ITSN1: variants seen among roughly 807,000 people sequenced by gnomAD.
ITSN1 encodes the protein intersectin-1.
Under a neutral mutation model 239.8 loss-of-function variants are expected in ITSN1, and 58 were observed. The ratio of observed to expected loss-of-function variants is 0.24; its 90% CI spans 0.20 to 0.30. The LOEUF (loss-of-function observed/expected upper bound fraction) is 0.30, where lower values mean the gene tolerates loss of function less well. Ranked by LOEUF, ITSN1 falls within the 10% of genes least tolerant of loss-of-function variation. ITSN1 has a pLI of 1.00. For synonymous variants in ITSN1, 780 were observed against 770.8 expected, an observed-to-expected ratio of 1.01 and a Z score of -0.20; for missense variants, 1,558 against 2,103.3, an observed-to-expected ratio of 0.74 and a Z score of 5.07.
At chr21:33,837,560 A>G in intron 29 of ITSN1, 1 of 985,884 alleles carries the variant, frequency 1.0e-6, no homozygotes. Flanking sequence ...GGAGTTCAGT[A>G]TCTCTGTTTT....
chr21:33,885,184 G>A, intron 37 of ITSN1, 61 bp downstream of exon 37: 1 of 1,403,330 alleles, frequency 7.1e-7, no homozygotes, highest in Non-Finnish European at 1.0e-6. Context: ...CCATTTGGCT[G>A]GGCTGAAAAT....
In ITSN1 at chr21:33,865,955, C is replaced by T. The variant is rs1197371607; in HGVS notation, c.4074+621C>T. Among the ~76,000 whole-genome samples, 1 of 152,148 alleles carries T rather than the reference C, an allele frequency of 6.6e-6. No individual in the cohort carries two copies. Among genetic ancestry groups the T allele is most frequent in the Non-Finnish European group, 1.5e-5 (1 of 68,028 alleles). ...ACTTGGCCTTGGCCAGTGTGGGTCT[C>T]TGCTGGCCGTGCTGGGCCATTCAAA... On this transcript the variant is annotated intron_variant, in intron 32 of 39. Transcript: ENST00000381318. This position sits in a 1 kb window ranked among gnomAD's most constrained non-coding sequence, Gnocchi z 4.4.
intron 1 of ITSN1, among the ~76,000 whole-genome samples, chr21:33,680,355 A>G (rs562417845): frequency 2.2e-5 from 3 of 136,000 alleles, no homozygotes; most frequent in Admixed American, 7.2e-5. Flanking sequence ...TTTTTGAGAC[A>G]GGGTCTCTGT....
intron 29 of ITSN1, among the ~76,000 whole-genome samples, chr21:33,839,431 C>T (rs974377460): frequency 6.6e-6 from 1 of 151,930 alleles, no homozygotes; most frequent in African/African-American, 2.4e-5. Flanking sequence ...GAGGGAGGAG[C>T]CAGATGGAGT....
intron 28 of ITSN1, among the ~76,000 whole-genome samples, chr21:33,835,310 C>G (rs1438638338): frequency 6.6e-6 from 1 of 152,134 alleles, no homozygotes; most frequent in Non-Finnish European, 1.5e-5. Flanking sequence ...TTTGCTGTCC[C>G]CTGGAGAGAT....
intron 1 of ITSN1, among the ~76,000 whole-genome samples, chr21:33,694,014 A>G (rs1177005464): frequency 6.6e-6 from 1 of 152,244 alleles, no homozygotes; most frequent in African/African-American, 2.4e-5. Flanking sequence ...ATTTCATTAT[A>G]TGGATATATC....
chr21:33,833,060 T>G (rs550253196), intron 27 of ITSN1, among the ~76,000 whole-genome samples: 42 of 152,104 alleles, frequency 2.8e-4, no homozygotes, highest in African/African-American at 1.0e-3. Context: ...TTTTGGGTTC[T>G]CTTTTCTTGG....
chr21:33,696,334 A>C (rs1373267845), intron 1 of ITSN1, among the ~76,000 whole-genome samples: 1 of 152,196 alleles, frequency 6.6e-6, no homozygotes, highest in Non-Finnish European at 1.5e-5. Context: ...AATACTTAAC[A>C]GTCCTTAGCA....
At chr21:33,663,719 C>T (rs963300075) in intron 1 of ITSN1, among the ~76,000 whole-genome samples, 2 of 152,192 alleles carry the variant, frequency 1.3e-5, no homozygotes, top group Admixed American at 6.5e-5. Flanking sequence ...TCTCCTGCCT[C>T]AGCCTCCCGA....
chr21:33,738,152 A>C (rs1216672803), intron 5 of ITSN1, among the ~76,000 whole-genome samples: 1 of 151,886 alleles, frequency 6.6e-6, no homozygotes, highest in Non-Finnish European at 1.5e-5. Context: ...GTGCCACTGC[A>C]CTCCAGCCTG....
In ITSN1 at chr21:33,886,270, G is replaced by T; in HGVS notation, c.4844-17G>T. On this transcript the variant is annotated splice_polypyrimidine_tract_variant and intron_variant, in intron 38 of 39. Coordinates refer to ENST00000381318, the MANE Select transcript of ITSN1 (RefSeq NM_003024.3). ...GAGGTGTGAGTTCCACCTGGCGAAG[G>T]CTTTTGTTCCCTCCAGGAAAGAGCA... 1 of 1,606,792 alleles carries T rather than the reference G, an allele frequency of 6.2e-7. No homozygotes were observed. The highest frequency in any genetic ancestry group is 8.5e-7 in the Non-Finnish European group (1 of 1,177,270).
intron 22 of ITSN1, among the ~76,000 whole-genome samples, chr21:33,815,274 T>G (rs2073190840): frequency 6.7e-6 from 1 of 148,628 alleles, no homozygotes; most frequent in Non-Finnish European, 1.5e-5. Context: ...GTGTGTGTTC[T>G]GTGGTCTGGA....
intron 29 of ITSN1, among the ~76,000 whole-genome samples, chr21:33,839,457 G>T (rs2074750644): frequency 6.6e-6 from 1 of 152,156 alleles, no homozygotes; most frequent in Non-Finnish European, 1.5e-5. Context: ...AAGAGGTGTG[G>T]CTATTGTAGA....
chr21:33,668,953 C>T (rs2090090498), intron 1 of ITSN1, among the ~76,000 whole-genome samples: 1 of 152,206 alleles, frequency 6.6e-6, no homozygotes, highest in African/African-American at 2.4e-5. Context: ...AGATAGATGC[C>T]TAGGCGGCTG....
rs1042004773 is a variant in ITSN1 at position 33,882,305 on chromosome 21, G to A, written c.4404G>A (p.Lys1468=). Reference sequence around the variant, plus strand: ...CGCGCAAATTTCTGCACAGTGGGAAGCTCTACAAGGCCAAGAGCAACAAGG... The same window carrying A: ...CGCGCAAATTTCTGCACAGTGGGAAACTCTACAAGGCCAAGAGCAACAAGG... ...LGPRKFLHSG[K]LYKAKSNKEL... The change falls in exon 35 of 40, where the codon AAG becomes AAA. Residue 1468 remains lysine, a synonymous_variant. Coordinates refer to ENST00000381318, the MANE Select transcript of ITSN1 (RefSeq NM_003024.3). This position sits in a 1 kb window ranked among gnomAD's most constrained non-coding sequence, Gnocchi z 4.5. 3.1e-6 allele frequency: 5 copies of A among 1,614,186 alleles called. No homozygotes were observed. The East Asian group carries it at 1.1e-4, about 36-fold the overall frequency.
At chr21:33,711,975 TCTG>T (rs2092430600) in intron 1 of ITSN1, among the ~76,000 whole-genome samples, 2 of 152,252 alleles carry the variant, frequency 1.3e-5, no homozygotes, top group Admixed American at 1.3e-4. Flanking sequence ...TTTCTTTTGC[TCTG>T]CTTTCATTCT....
At chr21:33,833,789 C>G (rs1219132367) in intron 27 of ITSN1, among the ~76,000 whole-genome samples, 2 of 151,246 alleles carry the variant, frequency 1.3e-5, no homozygotes, top group African/African-American at 4.9e-5. Context: ...GGAGAATGGC[C>G]TGAACCTGGG....
intron 1 of ITSN1, among the ~76,000 whole-genome samples, chr21:33,689,607 T>A (rs577359703): frequency 6.6e-6 from 1 of 152,292 alleles, no homozygotes; most frequent in African/African-American, 2.4e-5. Flanking sequence ...ACTCAGGAGT[T>A]CGAGGCTACA....
intron 29 of ITSN1, among the ~76,000 whole-genome samples, chr21:33,846,205 C>T (rs1359841778): frequency 6.6e-6 from 1 of 152,142 alleles, no homozygotes; most frequent in Non-Finnish European, 1.5e-5. Flanking sequence ...TCATTTAAGC[C>T]ACTGGTAGGC....
Sources: allele counts gnomAD v4.1 joint callset (sites outside exome capture counted in the v4.1 genomes callset), GRCh38; gene constraint gnomAD v4.1.1; non-coding constraint Gnocchi (gnomAD v3.1); transcripts MANE v1.5; gene names NCBI Gene and HGNC (gene_info 2026-07-23, HGNC 2026-07-21).